ACER2: variants seen among roughly 807,000 people sequenced by gnomAD.
The protein encoded by ACER2 is alkaline ceramidase 2.
ACER2 carries 26 observed loss-of-function variants against 34.7 expected under a neutral mutation model. That is an observed-to-expected ratio of 0.75 (90% CI 0.55 to 1.04). ACER2 has a LOEUF of 1.04. ACER2 is among the 50% of genes least tolerant of loss of function. ACER2 has a pLI of 0.00. For synonymous variants in ACER2, 138 were observed against 132.1 expected (o/e 1.04, Z -0.31); for missense variants, 352 against 340.8 (o/e 1.03, Z -0.26).
chr9:19,436,527 A>G (rs1039831352), intron 4 of ACER2, among the ~76,000 whole-genome samples: 1 of 148,220 alleles, frequency 6.7e-6, no homozygotes, highest in Admixed American at 6.9e-5. Flanking sequence ...AGCCTTTTTT[A>G]TTCTTTGCCA....
chr9:19,409,464 C>T (rs1830019804), intron 1 of ACER2, among the ~76,000 whole-genome samples: 4 of 152,166 alleles, frequency 2.6e-5, no homozygotes, highest in Admixed American at 1.3e-4. Context: ...CCCCACGCGT[C>T]CAGGAACCAG....
chr9:19,424,640 T>C, intron 2 of ACER2, 60 bp from the exon 3 acceptor site: 2 of 1,605,316 alleles, frequency 1.2e-6, no homozygotes, highest in Non-Finnish European at 1.7e-6. Context: ...CCTTAAGCAG[T>C]GTATTGAATT....
Position 19,409,108 on chromosome 9 carries a change from C to T in ACER2, c.24C>T (p.Asp8=). 1.9e-6 allele frequency: 3 copies of T among 1,601,600 alleles called. No homozygotes were observed. The highest frequency in any genetic ancestry group is 4.5e-5 in the East Asian group (2 of 44,400). ...CCATGGGCGCCCCGCACTGGTGGGACCAGCTGCAGGCTGGTAGCTCGGAGG... is the reference window on the plus strand; with the variant it reads ...CCATGGGCGCCCCGCACTGGTGGGATCAGCTGCAGGCTGGTAGCTCGGAGG... MGAPHWW[D]QLQAGSSEVD... The change falls in exon 1 of 6, where the codon GAC becomes GAT. Residue 8 remains aspartate, a synonymous_variant. Transcript: ENST00000340967.
chr9:19,447,399 C>T (rs1831406980), intron 5 of ACER2, among the ~76,000 whole-genome samples: 1 of 152,182 alleles, frequency 6.6e-6, no homozygotes, highest in Non-Finnish European at 1.5e-5. Flanking sequence ...ACCCACCCTA[C>T]TCTAAATTTA....
chr9:19,442,631 C>G lies in ACER2; in HGVS notation c.504-3650C>G, dbSNP rs563248122. 5.9e-5 allele frequency among the ~76,000 whole-genome samples: 9 copies of G among 152,362 alleles called. 1 individual carries two copies. The South Asian group carries it at 1.9e-3, about 32-fold the overall frequency. The stretch of plus-strand genomic sequence containing the variant: ...TGCAGGACATCTCCAACACATTGCT[C>G]TCCGTTCTGGTGTGTTCCTTAAGCC... On this transcript the variant is annotated intron_variant, in intron 4 of 5. Transcript: ENST00000340967.
chr9:19,414,951 A>G (rs1324413984), intron 1 of ACER2, among the ~76,000 whole-genome samples: 1 of 151,534 alleles, frequency 6.6e-6, no homozygotes. Flanking sequence ...CCATGAGTCC[A>G]TTTTTAAACC....
At chr9:19,435,312 A>T (rs1269059570) in intron 4 of ACER2, among the ~76,000 whole-genome samples, 1 of 152,244 alleles carries the variant, frequency 6.6e-6, no homozygotes, top group East Asian at 1.9e-4. Flanking sequence ...CCCACTGATC[A>T]CAAGCTAGCT....
At chr9:19,428,787 T>G (rs995712126) in intron 3 of ACER2, among the ~76,000 whole-genome samples, 2 of 130,798 alleles carry the variant, frequency 1.5e-5, no homozygotes, top group African/African-American at 3.0e-5. Flanking sequence ...TTTTTTTTTT[T>G]TTTTTTTTTT....
At chr9:19,413,417 G>C (rs556652301) in intron 1 of ACER2, among the ~76,000 whole-genome samples, 2 of 152,156 alleles carry the variant, frequency 1.3e-5, no homozygotes, top group African/African-American at 4.8e-5. Context: ...TGGCCAACAC[G>C]GCGAAACCCC....
At position 19,452,405 on chromosome 9, in the gene ACER2, A is replaced by G. The variant is rs1049941189; in HGVS notation, c.*1769A>G. Among the ~76,000 whole-genome samples, 10 of 152,224 alleles carry G rather than the reference A, an allele frequency of 6.6e-5. No individual in the cohort carries two copies. Among genetic ancestry groups the G allele is most frequent in the African/African-American group, 1.9e-4 (8 of 41,460 alleles). On this transcript the variant is annotated 3_prime_UTR_variant, in exon 6 of 6. Coordinates refer to ENST00000340967, the MANE Select transcript of ACER2 (RefSeq NM_001010887.3). ...GCTACATCTGTGGTTATCAAATTAT[A>G]TAGGTTGTTGAGAAGCAGAACGCTG...
chr9:19,431,568 G>C (rs1830753958), intron 3 of ACER2, among the ~76,000 whole-genome samples: 1 of 152,214 alleles, frequency 6.6e-6, no homozygotes, highest in Non-Finnish European at 1.5e-5. Context: ...GGGTCCCCAA[G>C]GGCCCTGCAC....
intron 4 of ACER2, among the ~76,000 whole-genome samples, chr9:19,439,922 T>C (rs890243145): frequency 6.6e-5 from 10 of 151,888 alleles, no homozygotes; most frequent in African/African-American, 2.4e-4. Flanking sequence ...CGTGGAGATG[T>C]GGAGATCACG....
At chr9:19,425,526 A>C (rs1407730713) in intron 3 of ACER2, among the ~76,000 whole-genome samples, 2 of 152,246 alleles carry the variant, frequency 1.3e-5, no homozygotes, top group Non-Finnish European at 2.9e-5. Flanking sequence ...ACAAAACAGC[A>C]GTCTTCCTCT....
chr9:19,433,075 T>C (rs1451971530), intron 3 of ACER2, among the ~76,000 whole-genome samples: 2 of 151,492 alleles, frequency 1.3e-5, no homozygotes, highest in Admixed American at 6.6e-5. Flanking sequence ...GGCCAAATAA[T>C]TTTGAAAATA....
intron 4 of ACER2, among the ~76,000 whole-genome samples, chr9:19,444,024 G>A (rs1337459200): frequency 2.6e-5 from 4 of 151,992 alleles, no homozygotes; most frequent in Admixed American, 2.0e-4. Context: ...GAGTTATGAA[G>A]GAACATGGCA....
intron 3 of ACER2, among the ~76,000 whole-genome samples, chr9:19,425,426 G>A (rs1189871662): frequency 6.6e-6 from 1 of 152,188 alleles, no homozygotes; most frequent in Non-Finnish European, 1.5e-5. Flanking sequence ...TAGCCATTGT[G>A]TTAGGGTTAT....
At chr9:19,423,325 A>G (rs1052673285) in intron 1 of ACER2, among the ~76,000 whole-genome samples, 1 of 152,230 alleles carries the variant, frequency 6.6e-6, no homozygotes, top group Admixed American at 6.5e-5. Context: ...AGCTACTCCT[A>G]TGATCAAAGA....
At chr9:19,430,171 G>A (rs555589453) in intron 3 of ACER2, among the ~76,000 whole-genome samples, 1 of 142,968 alleles carries the variant, frequency 7.0e-6, no homozygotes, top group East Asian at 2.5e-4. Context: ...TTTCAAGTCT[G>A]AAAACAAAGC....
intron 1 of ACER2, among the ~76,000 whole-genome samples, chr9:19,412,100 A>C (rs575856881): frequency 3.3e-5 from 5 of 152,346 alleles, no homozygotes; most frequent in African/African-American, 1.2e-4. Context: ...GGCATAGAAT[A>C]GATATTTATT....
Sources: gnomAD v4.1 joint callset for allele counts (sites outside exome capture counted in the v4.1 genomes callset) on GRCh38, gnomAD v4.1.1 for gene constraint, MANE v1.5 for transcripts, NCBI Gene and HGNC (gene_info 2026-07-23, HGNC 2026-07-21) for gene names.